The following KCNN2 variants were observed in gnomAD, a reference collection of about 807,000 sequenced individuals.
KCNN2 encodes the protein potassium calcium-activated channel subfamily N member 2, also known as small conductance calcium-activated potassium channel protein 2.
A neutral mutation model predicts 55.5 loss-of-function variants in KCNN2; 24 were observed. The ratio of observed to expected loss-of-function variants is 0.43; its 90% CI spans 0.31 to 0.61. The LOEUF is 0.61. Among genes scored for constraint, KCNN2 ranks in the 20% least tolerant of loss-of-function variants. The pLI, the probability that KCNN2 is intolerant of heterozygous loss-of-function variation, is 0.08. For missense variants in KCNN2, 754 were observed against 853.6 expected, an observed-to-expected ratio of 0.88 and a Z score of 1.45; for synonymous variants, 431 against 336.1, an observed-to-expected ratio of 1.28 and a Z score of -3.09.
At chr5:114,250,397 G>T (rs558014650) in intron 2 of KCNN2, among the ~76,000 whole-genome samples, 4 of 152,276 alleles carry the variant, frequency 2.6e-5, no homozygotes, top group African/African-American at 7.2e-5. Context: ...AGAATTGGAA[G>T]TGTCCCTTTT....
intron 1 of KCNN2, among the ~76,000 whole-genome samples, chr5:114,100,167 G>A (rs963475587): frequency 1.3e-5 from 2 of 151,866 alleles, no homozygotes; most frequent in South Asian, 2.1e-4. Flanking sequence ...AATGTTTTAC[G>A]TATTCCAATA....
At chr5:114,376,699 A>C (rs1368996568) in intron 2 of KCNN2, among the ~76,000 whole-genome samples, 1 of 152,166 alleles carries the variant, frequency 6.6e-6, no homozygotes, top group African/African-American at 2.4e-5. Context: ...ATGATTTTTA[A>C]TCTTTTTCTT....
intron 5 of KCNN2, among the ~76,000 whole-genome samples, chr5:114,475,845 A>G (rs939771156): frequency 1.3e-5 from 2 of 152,068 alleles, no homozygotes; most frequent in African/African-American, 4.8e-5. Flanking sequence ...CCAAACTGAC[A>G]AAGTTTTCTG....
Position 114,178,353 on chromosome 5 carries a change from T to C in KCNN2, c.-270-43127T>C, listed in dbSNP as rs1753176579. ...TGATTTACTTCATCTGGTGGTAGAA[T>C]GTGTCCATCTGAAGATAAATTCACA... On this transcript the variant is annotated intron_variant, in intron 1 of 10. Coordinates refer to the KCNN2 transcript ENST00000512097. 2.0e-5 allele frequency among the ~76,000 whole-genome samples: 3 copies of C among 152,344 alleles called. No homozygotes were observed. In the South Asian group the frequency reaches 6.2e-4, roughly 32 times the overall value.
intron 1 of KCNN2, among the ~76,000 whole-genome samples, chr5:114,064,535 A>G (rs1482683112): frequency 2.0e-5 from 3 of 152,182 alleles, no homozygotes; most frequent in Admixed American, 2.0e-4. Context: ...TAGACCTTCT[A>G]TCCCAGCCCA....
In KCNN2 at chr5:114,362,924, C is replaced by T. The variant is rs769503791; in HGVS notation, c.785C>T (p.Ser262Phe). 3.2e-6 allele frequency: 5 copies of T among 1,558,476 alleles called. No homozygotes were observed. Among genetic ancestry groups the T allele is most frequent in the African/African-American group, 2.9e-5 (2 of 69,226 alleles). Residue 262 changes from serine to phenylalanine, a missense_variant, in exon 1 of 8, where the codon TCT becomes TTT. Ser to Phe is a radical substitution (Grantham distance 155). Transcript: ENST00000673685. Reference protein sequence around the residue: ...VGGGGGASSPSAAAAAAAAVS... With the variant: ...VGGGGGASSPFAAAAAAAAVS... The stretch of plus-strand genomic sequence containing the variant: ...GGAGGTGGCGGCGCGTCCTCCCCGT[C>T]TGCAGCCGCTGCCGCCGCCGCCGCT...
chr5:114,085,368 A>G (rs527300922), intron 1 of KCNN2, among the ~76,000 whole-genome samples: 50 of 152,002 alleles, frequency 3.3e-4, no homozygotes, highest in African/African-American at 9.4e-4. Context: ...AATTGCTCTC[A>G]CTAGTTTCTG....
intron 2 of KCNN2, among the ~76,000 whole-genome samples, chr5:114,310,410 C>T (rs1445880847): frequency 6.6e-6 from 1 of 152,040 alleles, no homozygotes; most frequent in Non-Finnish European, 1.5e-5. Flanking sequence ...ATTTCCTTTT[C>T]TCTATTGAAA....
At position 114,299,779 on chromosome 5, in the gene KCNN2, C is replaced by T. The variant is rs150147346; in HGVS notation, c.-184-61166C>T. ...TCTTCCAGTTTATCCTCAGCCACTT[C>T]TGTGCTCCTTTGAGGAGGCCATGGC... On this transcript the variant is annotated intron_variant, in intron 2 of 10. Coordinates refer to the KCNN2 transcript ENST00000512097. Among the ~76,000 whole-genome samples, 78 of 152,306 alleles carry T rather than the reference C, an allele frequency of 5.1e-4. No individual in the cohort carries two copies. In the East Asian group the frequency reaches 0.01, roughly 20 times the overall value.
At chr5:114,184,325 TTA>T (rs1315616307) in intron 1 of KCNN2, among the ~76,000 whole-genome samples, 1 of 152,188 alleles carries the variant, frequency 6.6e-6, no homozygotes, top group Non-Finnish European at 1.5e-5. Context: ...TCTAAAAATA[TTA>T]TCAGATTGGC....
At chr5:114,273,067 C>T (rs1023589239) in intron 2 of KCNN2, among the ~76,000 whole-genome samples, 10 of 152,092 alleles carry the variant, frequency 6.6e-5, no homozygotes, top group African/African-American at 2.4e-4. Context: ...TGATGTTCCC[C>T]TCCCTGTGTC....
intron 1 of KCNN2, among the ~76,000 whole-genome samples, chr5:114,142,191 C>T (rs1379823016): frequency 6.6e-6 from 1 of 152,312 alleles, no homozygotes; most frequent in East Asian, 1.9e-4. Context: ...GTGTTTTAGA[C>T]ATGAAGTCCT....
At chr5:114,452,601 G>GT (rs1276188741) in intron 3 of KCNN2, among the ~76,000 whole-genome samples, 1 of 152,134 alleles carries the variant, frequency 6.6e-6, no homozygotes, top group African/African-American at 2.4e-5. Flanking sequence ...AGACTAGATA[G>GT]CACATTAAAA....
At chr5:114,408,783 T>C (rs1042347476) in intron 3 of KCNN2, among the ~76,000 whole-genome samples, 5 of 152,158 alleles carry the variant, frequency 3.3e-5, no homozygotes, top group African/African-American at 1.2e-4. Context: ...TTTTCAAAAA[T>C]AGTTCATCTT....
chr5:114,131,546 A>T (rs1752072445), intron 1 of KCNN2, among the ~76,000 whole-genome samples: 1 of 152,108 alleles, frequency 6.6e-6, no homozygotes, highest in Admixed American at 6.6e-5. Context: ...GGTTATTTGG[A>T]TTGATTCCAT....
intron 1 of KCNN2, among the ~76,000 whole-genome samples, chr5:114,110,871 T>G (rs1401690663): frequency 6.6e-6 from 1 of 152,082 alleles, no homozygotes; most frequent in Admixed American, 6.6e-5. Flanking sequence ...GAAGCTACTG[T>G]TGCTATGAAC....
chr5:114,317,315 C>T (rs141873548), intron 2 of KCNN2, among the ~76,000 whole-genome samples: 12 of 152,080 alleles, frequency 7.9e-5, no homozygotes, highest in African/African-American at 2.7e-4. Flanking sequence ...CTTATATCGT[C>T]GGACCTGCAG....
At chr5:114,190,991 G>T (rs1753438233) in intron 1 of KCNN2, among the ~76,000 whole-genome samples, 1 of 152,114 alleles carries the variant, frequency 6.6e-6, no homozygotes, top group Admixed American at 6.6e-5. Flanking sequence ...AGATTACAAA[G>T]CTGAGAACAC....
intron 3 of KCNN2, among the ~76,000 whole-genome samples, chr5:114,420,641 C>T (rs190217742): frequency 8.4e-4 from 128 of 152,276 alleles, no homozygotes; most frequent in Non-Finnish European, 9.9e-4. Context: ...TAAAAGAAGA[C>T]GCTATAATTT....
Sources: allele counts gnomAD v4.1 joint callset (sites outside exome capture counted in the v4.1 genomes callset), GRCh38; gene constraint gnomAD v4.1.1; transcripts MANE v1.5; gene names NCBI Gene and HGNC (gene_info 2026-07-23, HGNC 2026-07-21).